The following TMOD1 variants were observed in gnomAD, a reference collection of about 807,000 sequenced individuals.
TMOD1 encodes the protein tropomodulin 1.
TMOD1 carries 17 observed loss-of-function variants against 40.6 expected under a neutral mutation model. That is an observed-to-expected ratio of 0.42 (90% CI 0.29 to 0.63). The LOEUF (loss-of-function observed/expected upper bound fraction) is 0.63, where lower values mean the gene tolerates loss of function less well. Ranked by LOEUF, TMOD1 falls within the 20% of genes least tolerant of loss-of-function variation. The probability of loss-of-function intolerance (pLI) is 0.22; values close to 1 mark genes in which losing one functional copy is unlikely to be tolerated. For synonymous variants in TMOD1, 181 were observed against 175.0 expected (o/e 1.03, Z -0.27); for missense variants, 391 against 447.6 (o/e 0.87, Z 1.14).
At chr9:97,592,261 G>T (rs893720088) in intron 9 of TMOD1, among the ~76,000 whole-genome samples, 1 of 151,990 alleles carries the variant, frequency 6.6e-6, no homozygotes, top group Non-Finnish European at 1.5e-5. Flanking sequence ...GACTGACAAG[G>T]CTATAGGAAA....
At chr9:97,575,151 ACACT>A (rs1487580024) in intron 8 of TMOD1, among the ~76,000 whole-genome samples, 3 of 152,180 alleles carry the variant, frequency 2.0e-5, no homozygotes, top group Non-Finnish European at 2.9e-5. Flanking sequence ...ATGAGTTGTA[ACACT>A]CACCGCGAAG....
intron 8 of TMOD1, among the ~76,000 whole-genome samples, chr9:97,587,432 TATCTC>T (rs1194784364): frequency 6.6e-6 from 1 of 152,242 alleles, no homozygotes. Context: ...TATGTAGTGA[TATCTC>T]ATTGTGATTT....
At chr9:97,581,654 C>T (rs1273896349) in intron 8 of TMOD1, among the ~76,000 whole-genome samples, 2 of 151,006 alleles carry the variant, frequency 1.3e-5, no homozygotes, top group Non-Finnish European at 1.5e-5. Context: ...TCTCCAGCAC[C>T]TGTTGTTTCC....
At chr9:97,527,539 C>T (rs543686593) in intron 2 of TMOD1, among the ~76,000 whole-genome samples, 4 of 152,128 alleles carry the variant, frequency 2.6e-5, no homozygotes, top group East Asian at 1.9e-4. Context: ...TGAGAAAGGC[C>T]GCAAGGAGAG....
rs1407194026 is a variant in TMOD1, at chr9:97,564,057, A to G, written c.507A>G (p.Gln169=). ...CTCTAGGCGTGATTAAACCCACACA[A>G]TACAAGCCTGTGCCCGACGAAGAAC... ...EGLNSVIKPT[Q]YKPVPDEEPN... Residue 169 remains glutamine (Q), a synonymous_variant, in exon 6 of 10, where the codon CAA becomes CAG. Transcript: ENST00000259365. The G allele has an allele frequency of 1.2e-6, 2 of 1,614,096 alleles. No homozygotes were observed. The highest frequency in any genetic ancestry group is 1.3e-5 in the African/African-American group (1 of 74,928).
intron 8 of TMOD1, among the ~76,000 whole-genome samples, chr9:97,585,214 T>G (rs532738296): frequency 1.6e-3 from 240 of 152,212 alleles, no homozygotes; most frequent in African/African-American, 5.6e-3. Flanking sequence ...TGACAAAATC[T>G]CTCAGCATTT....
intron 3 of TMOD1, among the ~76,000 whole-genome samples, chr9:97,551,719 G>A (rs1830457377): frequency 6.6e-6 from 1 of 152,144 alleles, no homozygotes; most frequent in South Asian, 2.1e-4. Context: ...CTGTTTCTGG[G>A]AAAAGGACTG....
chr9:97,562,381 C>T lies in TMOD1; in HGVS notation c.398-351C>T, dbSNP rs373713414. ...CTTATGGGGAGAAGGTGCCACATTC[C>T]CTGATGTTTTACCCTGAGGGACAGG... On this transcript the variant is annotated intron_variant, in intron 4 of 9. Coordinates refer to ENST00000259365, the MANE Select transcript of TMOD1 (RefSeq NM_003275.4). Among the ~76,000 whole-genome samples the T allele has an allele frequency of 3.9e-4, 60 of 152,202 alleles. No homozygotes were observed. The East Asian group carries it at 8.9e-3, about 23-fold the overall frequency.
At chr9:97,537,184 T>C (rs867837031) in intron 2 of TMOD1, among the ~76,000 whole-genome samples, 10 of 152,266 alleles carry the variant, frequency 6.6e-5, no homozygotes, top group Admixed American at 2.6e-4. Context: ...GAGGATCTTT[T>C]AGGGCTTTAT....
At chr9:97,533,029 G>T (rs113912735) in intron 2 of TMOD1, among the ~76,000 whole-genome samples, 3 of 152,158 alleles carry the variant, frequency 2.0e-5, no homozygotes, top group Non-Finnish European at 4.4e-5. Context: ...AATTGTTGCC[G>T]GTATGAGAGT....
chr9:97,591,153 A>G (rs1587964484), intron 8 of TMOD1, 138 bp from the exon 9 acceptor site: 8 of 918,898 alleles, frequency 8.7e-6, no homozygotes, highest in Non-Finnish European at 1.1e-5. Flanking sequence ...CTAAACTTCC[A>G]TTTCCCTACT....
chr9:97,520,030 C>T (rs1223539287), intron 1 of TMOD1, among the ~76,000 whole-genome samples: 2 of 152,034 alleles, frequency 1.3e-5, no homozygotes, highest in African/African-American at 4.8e-5. Flanking sequence ...ATTTGAGCCA[C>T]AGAATCCTTT....
intron 8 of TMOD1, among the ~76,000 whole-genome samples, chr9:97,584,901 T>C (rs1825837038): frequency 6.6e-6 from 1 of 152,244 alleles, no homozygotes; most frequent in Non-Finnish European, 1.5e-5. Context: ...TGTGTGTCTC[T>C]GCAAGTGAGA....
At chr9:97,548,075 G>A (rs766355991) in intron 3 of TMOD1, among the ~76,000 whole-genome samples, 8 of 152,076 alleles carry the variant, frequency 5.3e-5, no homozygotes, top group Non-Finnish European at 8.8e-5. Flanking sequence ...CACATAGAAG[G>A]CACCTAATAA....
chr9:97,546,329 G>A lies in TMOD1; in HGVS notation c.265G>A (p.Gly89Arg), dbSNP rs748034279. 4 of 1,613,176 alleles carry A rather than the reference G, an allele frequency of 2.5e-6. No homozygotes were observed. The highest frequency in any genetic ancestry group is 1.7e-5 in the Admixed American group (1 of 59,806). Reference protein sequence around the residue: ...KDREDLVPYTGEKRGKVWVPK... With the variant: ...KDREDLVPYTREKRGKVWVPK... ...CCGAGAAGATCTGGTCCCCTACACA[G>A]GGGAAAAACGAGGTACTGAACAATG... Residue 89 changes from glycine (G) to arginine (R), a missense_variant, in exon 3 of 10, where the codon GGG becomes AGG. Physicochemically the swap from Gly to Arg is moderately radical, Grantham distance 125. Transcript: ENST00000259365.
intron 1 of TMOD1, among the ~76,000 whole-genome samples, chr9:97,514,728 C>T (rs1270910868): frequency 6.6e-6 from 1 of 152,194 alleles, no homozygotes; most frequent in Admixed American, 6.5e-5. Flanking sequence ...GGTTGTAATA[C>T]CGTTGGGAAT....
intron 3 of TMOD1, among the ~76,000 whole-genome samples, chr9:97,551,425 T>C (rs780310672): frequency 2.0e-5 from 3 of 152,208 alleles, no homozygotes; most frequent in Non-Finnish European, 2.9e-5. Context: ...TGCATGTGGA[T>C]ATTCAGTTGT....
At chr9:97,505,358 T>C (rs1829575082) in intron 1 of TMOD1, among the ~76,000 whole-genome samples, 1 of 152,200 alleles carries the variant, frequency 6.6e-6, no homozygotes, top group South Asian at 2.1e-4. Flanking sequence ...GTTCATGTTC[T>C]CAGGGGCCCC....
chr9:97,523,623 A>C (rs967404753), intron 1 of TMOD1, among the ~76,000 whole-genome samples: 2 of 152,234 alleles, frequency 1.3e-5, no homozygotes, highest in African/African-American at 4.8e-5. Flanking sequence ...ACAGCTTGAT[A>C]TGCAGTAGTA....
Sources: allele counts gnomAD v4.1 joint callset (sites outside exome capture counted in the v4.1 genomes callset), GRCh38; gene constraint gnomAD v4.1.1; transcripts MANE v1.5; gene names NCBI Gene and HGNC (gene_info 2026-07-23, HGNC 2026-07-21).